Variants in KLHL29 observed in about 807,000 individuals in gnomAD.
KLHL29 encodes the protein kelch like family member 29, also known as kelch-like protein 29.
A neutral mutation model predicts 80.4 loss-of-function variants in KLHL29; 21 were observed. That is an observed-to-expected ratio of 0.26 (90% CI 0.19 to 0.38). The LOEUF (loss-of-function observed/expected upper bound fraction) is 0.38, where lower values mean the gene tolerates loss of function less well. Among genes scored for constraint, KLHL29 ranks in the 10% least tolerant of loss-of-function variants. The probability of loss-of-function intolerance (pLI) is 1.00; values close to 1 mark genes in which losing one functional copy is unlikely to be tolerated. For synonymous variants in KLHL29, 511 were observed against 526.8 expected (o/e 0.97, Z 0.41); for missense variants, 867 against 1,223.9 (o/e 0.71, Z 4.35).
At chr2:23,420,459 G>A (rs935462047) in intron 1 of KLHL29, among the ~76,000 whole-genome samples, 11 of 152,312 alleles carry the variant, frequency 7.2e-5, no homozygotes, top group African/African-American at 2.2e-4. Flanking sequence ...GCTGGCTCCC[G>A]AGACCGGGCT....
In KLHL29 at chr2:23,645,590, C is replaced by T. The variant is rs550720792; in HGVS notation, c.940+2740C>T. ...CCCGATATTCCCTGCTATTGTTTGA[C>T]GTGACAACCTGGCCTCTCCCGGGGT... On this transcript the variant is annotated intron_variant, in intron 5 of 13. Transcript: ENST00000486442. Among the ~76,000 whole-genome samples the T allele has an allele frequency of 5.9e-5, 9 of 152,298 alleles. No individual in the cohort carries two copies. In the South Asian group the frequency reaches 1.5e-3, roughly 25 times the overall value.
intron 1 of KLHL29, among the ~76,000 whole-genome samples, chr2:23,414,068 G>A (rs1179320052): frequency 1.3e-5 from 2 of 152,216 alleles, no homozygotes; most frequent in African/African-American, 2.4e-5. Context: ...TTAAAGGACT[G>A]GAAAACAGAA....
chr2:23,687,907 G>A (rs1671345950), intron 6 of KLHL29, among the ~76,000 whole-genome samples: 1 of 151,676 alleles, frequency 6.6e-6, no homozygotes, highest in Admixed American at 6.5e-5. Context: ...AAAGATGACA[G>A]TCAGACCATG....
chr2:23,597,294 CTCA>C (rs1286409182), intron 3 of KLHL29, among the ~76,000 whole-genome samples: 1,522 of 92,866 alleles, frequency 0.016, 32 homozygotes, highest in African/African-American at 0.029. Context: ...CTCTCTCTCT[CTCA>C]TATATATATA....
chr2:23,654,159 T>A (rs1476901216), intron 5 of KLHL29, among the ~76,000 whole-genome samples: 1 of 151,328 alleles, frequency 6.6e-6, no homozygotes, highest in Admixed American at 6.6e-5. Flanking sequence ...AGAGTGAGAC[T>A]CTGTCTCAAA....
chr2:23,422,681 T>A (rs68155475), intron 1 of KLHL29, among the ~76,000 whole-genome samples: 76,099 of 151,248 alleles, frequency 0.5, 21,082 homozygotes, highest in African/African-American at 0.76. Flanking sequence ...TTGTCTGTGT[T>A]GTGTGTATGT....
intron 3 of KLHL29, among the ~76,000 whole-genome samples, chr2:23,621,783 A>C (rs911242767): frequency 6.6e-6 from 1 of 152,222 alleles, no homozygotes; most frequent in Admixed American, 6.5e-5. Flanking sequence ...TGCTGTGTGC[A>C]CTGGCATCAA....
chr2:23,411,287 G>A (rs780416621), intron 1 of KLHL29, among the ~76,000 whole-genome samples: 77 of 151,994 alleles, frequency 5.1e-4, no homozygotes, highest in Non-Finnish European at 1.0e-3. Context: ...AGAACATTTG[G>A]GGCAGAATAA....
chr2:23,549,313 CTA>C (rs751312530), intron 2 of KLHL29, among the ~76,000 whole-genome samples: 8 of 152,330 alleles, frequency 5.3e-5, no homozygotes, highest in African/African-American at 9.6e-5. Flanking sequence ...GCAACAAAAT[CTA>C]TGTTTCAATT....
chr2:23,581,498 C>T (rs550455548), intron 3 of KLHL29, among the ~76,000 whole-genome samples: 38 of 152,204 alleles, frequency 2.5e-4, no homozygotes, highest in Middle Eastern at 3.4e-3. Context: ...ACTGTGGCCA[C>T]GCACACCTGG....
At chr2:23,403,726 AGTGTGTGTGTGTGT>A (rs36116395) in intron 1 of KLHL29, among the ~76,000 whole-genome samples, 4 of 144,012 alleles carry the variant, frequency 2.8e-5, no homozygotes, top group Non-Finnish European at 6.0e-5. Flanking sequence ...AGAGAGAGAG[AGTGTGTGTGTGTGT>A]GTGTGTGTGT....
chr2:23,558,374 G>A (rs1483547655), intron 2 of KLHL29, among the ~76,000 whole-genome samples: 8 of 150,340 alleles, frequency 5.3e-5, no homozygotes, highest in African/African-American at 1.7e-4. Flanking sequence ...TTCAAGGTTC[G>A]AGGTCTGATT....
intron 1 of KLHL29, among the ~76,000 whole-genome samples, chr2:23,406,930 TAAAA>T (rs1192019813): frequency 6.6e-6 from 1 of 152,184 alleles, no homozygotes; most frequent in Non-Finnish European, 1.5e-5. Flanking sequence ...CACCCAGAGA[TAAAA>T]AAACAATTAA....
chr2:23,432,953 G>A (rs1045720343), intron 1 of KLHL29, among the ~76,000 whole-genome samples: 7 of 152,208 alleles, frequency 4.6e-5, no homozygotes, highest in Admixed American at 1.3e-4. Context: ...CAGGGGTTGC[G>A]AGTGGGGGAA....
chr2:23,555,637 G>A (rs530099855), intron 2 of KLHL29, among the ~76,000 whole-genome samples: 1 of 152,356 alleles, frequency 6.6e-6, no homozygotes, highest in East Asian at 1.9e-4. Context: ...TCTGTCAGGT[G>A]GAGGACACTT....
At chr2:23,577,626 T>C (rs1216513247) in intron 3 of KLHL29, among the ~76,000 whole-genome samples, 1 of 151,602 alleles carries the variant, frequency 6.6e-6, no homozygotes, top group African/African-American at 2.4e-5. Context: ...TGGGCACCTG[T>C]AATCCCAGCT....
chr2:23,510,596 T>C (rs961429532), intron 2 of KLHL29, among the ~76,000 whole-genome samples: 1 of 152,202 alleles, frequency 6.6e-6, no homozygotes, highest in East Asian at 1.9e-4. Context: ...CAGCCAAGTC[T>C]TACAAACAAT....
At position 23,497,643 on chromosome 2, in the gene KLHL29, G is replaced by A. The variant is rs111310844; in HGVS notation, c.-46+21976G>A. 6.8e-3 allele frequency among the ~76,000 whole-genome samples: 1,031 copies of A among 152,306 alleles called. 11 individuals carry two copies. Among genetic ancestry groups the A allele is most frequent in the African/African-American group, 0.023 (951 of 41,562 alleles). Reference sequence around the variant, plus strand: ...CAAAGGGCTGGGAGAGCCAGGGAAGGTTCATTAGCCCAGGAGCATCTTTCC... The same window carrying A: ...CAAAGGGCTGGGAGAGCCAGGGAAGATTCATTAGCCCAGGAGCATCTTTCC... On this transcript the variant is annotated intron_variant, in intron 2 of 13. Transcript: ENST00000486442.
chr2:23,689,074 G>C (rs1455852681), intron 6 of KLHL29: 1 of 152,426 alleles, frequency 6.6e-6, no homozygotes, highest in South Asian at 2.1e-4. Context: ...GATGAGAACC[G>C]TGTGTGTTGG....
Sources: allele counts gnomAD v4.1 joint callset (sites outside exome capture counted in the v4.1 genomes callset), GRCh38; gene constraint gnomAD v4.1.1; transcripts MANE v1.5; gene names NCBI Gene and HGNC (gene_info 2026-07-23, HGNC 2026-07-21).